The following EEA1 variants were observed in gnomAD, a reference collection of about 807,000 sequenced individuals.
EEA1 encodes early endosome antigen 1, 162kD.
A neutral mutation model predicts 209.2 loss-of-function variants in EEA1; 111 were observed. That is an observed-to-expected ratio of 0.53 (90% CI 0.45 to 0.62). The LOEUF (loss-of-function observed/expected upper bound fraction) is 0.62, where lower values mean the gene tolerates loss of function less well. Among genes scored for constraint, EEA1 ranks in the 20% least tolerant of loss-of-function variants. The probability of loss-of-function intolerance (pLI) is 0.00; values close to 1 mark genes in which losing one functional copy is unlikely to be tolerated. For synonymous variants in EEA1, 536 were observed against 540.6 expected, an observed-to-expected ratio of 0.99 and a Z score of 0.12; for missense variants, 1,343 against 1,530.8, an observed-to-expected ratio of 0.88 and a Z score of 2.05.
At chr12:92,793,815 C>T (rs767087533) in intron 21 of EEA1, among the ~76,000 whole-genome samples, 1 of 151,618 alleles carries the variant, frequency 6.6e-6, no homozygotes, top group Non-Finnish European at 1.5e-5. Flanking sequence ...AAAGAGCCTG[C>T]ATTGCAAGGA....
intron 1 of EEA1, among the ~76,000 whole-genome samples, chr12:92,924,531 A>G (rs1243542232): frequency 6.6e-6 from 1 of 152,112 alleles, no homozygotes; most frequent in African/African-American, 2.4e-5. Flanking sequence ...CATATTAGTT[A>G]TCTAGTTCTC....
intron 28 of EEA1, 140 bp downstream of exon 28, chr12:92,776,704 G>A (rs776255068): frequency 2.3e-4 from 171 of 750,426 alleles, no homozygotes; most frequent in Non-Finnish European, 3.6e-4. Context: ...ACTGCATGAA[G>A]TTATTCTATG....
Position 92,772,906 on chromosome 12 carries a change from CTTCTAA to C in EEA1, c.*3099_*3104del, listed in dbSNP as rs1232629716. The C allele has an allele frequency of 6.6e-6, 1 of 152,242 alleles. No homozygotes were observed. The highest frequency in any genetic ancestry group is 2.4e-5 in the African/African-American group (1 of 41,424). 9.4% of individuals were successfully genotyped at this position (152,242 alleles called of 1,614,324 possible). Reference sequence around the variant, plus strand: ...CTTCTACACAGAAAGAACTTAGTGACTTCTAATTCTATTTTATACAATTTTACATAA... The same window carrying C: ...CTTCTACACAGAAAGAACTTAGTGACTTCTATTTTATACAATTTTACATAA... On this transcript the variant is annotated 3_prime_UTR_variant, in exon 29 of 29. Transcript: ENST00000322349.
intron 2 of EEA1, among the ~76,000 whole-genome samples, chr12:92,880,998 T>C (rs368949656): frequency 3.4e-4 from 52 of 152,306 alleles, no homozygotes; most frequent in African/African-American, 1.2e-3. Flanking sequence ...AAATGAATAC[T>C]AGAGAAGCCA....
At chr12:92,788,569 C>T (rs1460376065) in intron 21 of EEA1, among the ~76,000 whole-genome samples, 1 of 152,150 alleles carries the variant, frequency 6.6e-6, no homozygotes, top group Non-Finnish European at 1.5e-5. Context: ...CTCCTCTAAA[C>T]TCTAAACTTG....
chr12:92,902,728 G>A (rs1156728974), intron 1 of EEA1, among the ~76,000 whole-genome samples: 2 of 123,592 alleles, frequency 1.6e-5, no homozygotes, highest in African/African-American at 3.0e-5. Flanking sequence ...GCAACAGGGC[G>A]AAATTCTGTC....
intron 22 of EEA1, among the ~76,000 whole-genome samples, chr12:92,785,991 T>A (rs563053259): frequency 6.6e-6 from 1 of 152,336 alleles, no homozygotes; most frequent in East Asian, 1.9e-4. Context: ...ATTAATTTAA[T>A]GTTGGTTCCT....
intron 1 of EEA1, among the ~76,000 whole-genome samples, chr12:92,925,195 A>AC (rs576324275): frequency 1.9e-3 from 293 of 151,978 alleles, no homozygotes; most frequent in Middle Eastern, 6.8e-3. Flanking sequence ...AAAAAAAAAA[A>AC]AAACACTAAT....
intron 3 of EEA1, 90 bp downstream of exon 3, chr12:92,864,770 T>C: frequency 8.1e-7 from 1 of 1,235,780 alleles, no homozygotes; most frequent in African/African-American, 1.6e-5. Context: ...ACAAAAAGGT[T>C]ACTATTTTCA....
intron 10 of EEA1, among the ~76,000 whole-genome samples, chr12:92,840,495 T>C (rs1877120825): frequency 1.3e-5 from 2 of 152,156 alleles, no homozygotes; most frequent in South Asian, 4.1e-4. Context: ...GTATTTTTAA[T>C]AGAATGGGAT....
At chr12:92,898,954 GAA>G (rs80168486) in intron 1 of EEA1, among the ~76,000 whole-genome samples, 35,335 of 128,842 alleles carry the variant, frequency 0.27, 4,759 homozygotes, top group Non-Finnish European at 0.34. Flanking sequence ...ACTCATGAGT[GAA>G]AAAAAAAAAA....
At chr12:92,849,078 A>G (rs1226455289) in intron 9 of EEA1, among the ~76,000 whole-genome samples, 1 of 152,112 alleles carries the variant, frequency 6.6e-6, no homozygotes, top group Non-Finnish European at 1.5e-5. Flanking sequence ...TTAATGTTCT[A>G]TTTGTTTAAA....
At chr12:92,844,767 T>C (rs1877321126) in intron 9 of EEA1, among the ~76,000 whole-genome samples, 1 of 152,012 alleles carries the variant, frequency 6.6e-6, no homozygotes. Context: ...AAATATCTTA[T>C]CAAAAAAATT....
At position 92,816,400 on chromosome 12, in the gene EEA1, C is replaced by T. The variant is rs1328738028; in HGVS notation, c.1729G>A (p.Val577Ile). ...QEKNHTLQEQ[V>I]TQLTEKLKNQ... Reference sequence around the variant, plus strand: ...TTCAGCTTCTCTGTTAGTTGAGTTACCTGTTATACAAGTAAGACTAATCGT... The same window carrying T: ...TTCAGCTTCTCTGTTAGTTGAGTTATCTGTTATACAAGTAAGACTAATCGT... Residue 577 changes from valine to isoleucine, a missense_variant and splice_region_variant, in exon 15 of 29, where the codon GTA becomes ATA. Physicochemically the swap from Val to Ile is conservative, Grantham distance 29. This residue lies in a region of EEA1 where 1,307 missense variants were observed against 1,465.5 expected (regional missense o/e 0.89). Transcript: ENST00000322349. 5 of 1,613,324 alleles carry T rather than the reference C, an allele frequency of 3.1e-6. No homozygotes were observed. The highest frequency in any genetic ancestry group is 4.2e-6 in the Non-Finnish European group (5 of 1,179,514).
At chr12:92,874,518 G>T (rs898752410) in intron 2 of EEA1, among the ~76,000 whole-genome samples, 1 of 151,836 alleles carries the variant, frequency 6.6e-6, no homozygotes, top group African/African-American at 2.4e-5. Flanking sequence ...GGCGCTTGCC[G>T]CCAGGCCTGG....
At chr12:92,915,129 T>C (rs1046304204) in intron 1 of EEA1, among the ~76,000 whole-genome samples, 1 of 152,138 alleles carries the variant, frequency 6.6e-6, no homozygotes, top group East Asian at 1.9e-4. Flanking sequence ...AGACACATAT[T>C]ATTATTAAGT....
intron 13 of EEA1, chr12:92,821,212 C>T (rs924385037): frequency 6.6e-6 from 1 of 152,166 alleles, no homozygotes; most frequent in Non-Finnish European, 1.5e-5. Flanking sequence ...ATTTCACCCC[C>T]TCATATAGGA....
chr12:92,881,170 G>A lies in EEA1; in HGVS notation c.117+10459C>T, dbSNP rs534207447. 3.3e-5 allele frequency among the ~76,000 whole-genome samples: 5 copies of A among 152,150 alleles called. No individual in the cohort carries two copies. In the East Asian group the frequency reaches 9.6e-4, roughly 29 times the overall value. On this transcript the variant is annotated intron_variant, in intron 2 of 28. Coordinates refer to ENST00000322349, the MANE Select transcript of EEA1 (RefSeq NM_003566.4). ...TGTAATCCCAGCACTTTGGGAAGCCGAGGCGGGTGGACTGTTTGAGCCCAG... is the reference window on the plus strand; with the variant it reads ...TGTAATCCCAGCACTTTGGGAAGCCAAGGCGGGTGGACTGTTTGAGCCCAG...
rs1686240029 is a variant in EEA1 at position 92,775,034 on chromosome 12, A to G, written c.*977T>C. ...TCTATGCTTGAAAATGTTAAACCAA[A>G]TAAAGGAAAAAATCAGATCTATGTA... On this transcript the variant is annotated 3_prime_UTR_variant, in exon 29 of 29. Coordinates refer to ENST00000322349, the MANE Select transcript of EEA1 (RefSeq NM_003566.4). 6.6e-6 allele frequency: 1 copy of G among 151,792 alleles called. No homozygotes were observed. Among genetic ancestry groups the G allele is most frequent in the South Asian group, 2.1e-4 (1 of 4,832 alleles). The allele number at this position is 151,792 out of a possible 1,614,324, so 9.4% of individuals were successfully genotyped here.
Sources: allele counts gnomAD v4.1 joint callset (sites outside exome capture counted in the v4.1 genomes callset), GRCh38; gene constraint gnomAD v4.1.1; regional missense constraint gnomAD v4.1.1; transcripts MANE v1.5; gene names NCBI Gene and HGNC (gene_info 2026-07-23, HGNC 2026-07-21).